Variants in LPO observed in about 807,000 individuals in gnomAD.
LPO encodes the protein lactoperoxidase, also known as salivary peroxidase.
Under a neutral mutation model 68.4 loss-of-function variants are expected in LPO, and 70 were observed. That is an observed-to-expected ratio of 1.02 (90% CI 0.84 to 1.25). The LOEUF (loss-of-function observed/expected upper bound fraction) is 1.25, where lower values mean the gene tolerates loss of function less well. Ranked by LOEUF, LPO falls within the 50% of genes most tolerant of loss-of-function variation. The probability of loss-of-function intolerance (pLI) is 0.00; values close to 1 mark genes in which losing one functional copy is unlikely to be tolerated. For synonymous variants in LPO, 360 were observed against 357.6 expected (o/e 1.01, Z -0.08); for missense variants, 873 against 908.4 (o/e 0.96, Z 0.50).
intron 9 of LPO, among the ~76,000 whole-genome samples, chr17:58,255,943 A>G (rs1161961114): frequency 6.6e-6 from 1 of 152,148 alleles, no homozygotes; most frequent in African/African-American, 2.4e-5. Flanking sequence ...TACTACCACA[A>G]TAAAGACTCT....
At position 58,267,532 on chromosome 17, in the gene LPO, C is replaced by T. The variant is rs747277874; in HGVS notation, c.1877C>T (p.Pro626Leu). ...EPLVERGRVG[P>L]LLACLLGKQF... Reference sequence around the variant, plus strand: ...CTGGTGGAAAGGGGTCGGGTGGGGCCTCTCCTGGCCTGCCTCTTGGGCAAG... The same window carrying T: ...CTGGTGGAAAGGGGTCGGGTGGGGCTTCTCCTGGCCTGCCTCTTGGGCAAG... The change falls in exon 12 of 13, where the codon CCT becomes CTT. Residue 626 changes from proline (P) to leucine (L), a missense_variant. By Grantham distance (98) the Pro-to-Leu change is moderately conservative (BLOSUM62 -3). Transcript: ENST00000262290. 23 of 1,613,924 alleles carry T rather than the reference C, an allele frequency of 1.4e-5. No homozygotes were observed. Among genetic ancestry groups the T allele is most frequent in the Non-Finnish European group, 1.9e-5 (22 of 1,179,836 alleles).
In LPO at chr17:58,264,990, G is replaced by T. The variant is rs1237554595; in HGVS notation, c.1519+16G>T. The T allele has an allele frequency of 6.2e-7, 1 of 1,612,546 alleles. No individual in the cohort carries two copies. Among genetic ancestry groups the T allele is most frequent in the Non-Finnish European group, 8.5e-7 (1 of 1,178,836 alleles). On this transcript the variant is annotated intron_variant, in intron 10 of 12. Coordinates refer to ENST00000262290, the MANE Select transcript of LPO (RefSeq NM_006151.3). ...GTCAAAGATGGTATGCCCTTTCAGG[G>T]AAGTGCTGTCACCTGGGTCTCCCAC... is the stretch of plus-strand genomic sequence containing the variant.
Position 58,254,986 on chromosome 17 carries a change from G to T in LPO, c.1266+15G>T. On this transcript the variant is annotated intron_variant, in intron 9 of 12. Coordinates refer to ENST00000262290, the MANE Select transcript of LPO (RefSeq NM_006151.3). ...CCTTCGTGCAGGTAGGGAGTCCCAG[G>T]AGCACTGTCACCTGGTCCCACCTGG... The T allele has an allele frequency of 1.2e-6, 2 of 1,612,470 alleles. No homozygotes were observed. Among genetic ancestry groups the T allele is most frequent in the South Asian group, 2.2e-5 (2 of 90,980 alleles).
chr17:58,257,678 T>C (rs1970097749), intron 9 of LPO, among the ~76,000 whole-genome samples: 3 of 152,272 alleles, frequency 2.0e-5, no homozygotes, highest in Admixed American at 2.0e-4. Flanking sequence ...TGCTGGATCA[T>C]ATGGCAGCTC....
intron 1 of LPO, among the ~76,000 whole-genome samples, chr17:58,241,030 C>T (rs754592317): frequency 7.9e-5 from 12 of 151,896 alleles, no homozygotes; most frequent in African/African-American, 2.4e-4. Flanking sequence ...TGTGAATATA[C>T]CTAACATTAC....
intron 7 of LPO, chr17:58,251,856 A>G (rs1969964183): frequency 3.3e-6 from 2 of 601,496 alleles, no homozygotes; most frequent in African/African-American, 1.8e-5. Flanking sequence ...GTTAGTAGTA[A>G]TTATTAACAA....
Position 58,267,571 on chromosome 17 carries a change from T to C in LPO, c.1916T>C (p.Ile639Thr), listed in dbSNP as rs759119217. The change falls in exon 12 of 13, where the codon ATC becomes ACC. Residue 639 changes from isoleucine (I) to threonine (T), a missense_variant. Transcript: ENST00000262290. ...CTCTTGGGCAAGCAGTTCCAGCAGA[T>C]CCGTGATGGAGACAGGCAAGTGCGT... ...ACLLGKQFQQ[I>T]RDGDRFWWEN... 3 of 1,610,566 alleles carry C rather than the reference T, an allele frequency of 1.9e-6. No individual in the cohort carries two copies. Among genetic ancestry groups the C allele is most frequent in the South Asian group, 1.1e-5 (1 of 90,768 alleles).
At position 58,267,456 on chromosome 17, in the gene LPO, T is replaced by C. The variant is rs1213148065; in HGVS notation, c.1801T>C (p.Tyr601His). The stretch of plus-strand genomic sequence containing the variant: ...GCTGGCCAAGAAGTTACTGGGTCTC[T>C]ACGGGACCCCTGACAACATCGACAT... ...KMLAKKLLGLYGTPDNIDIWI... is the reference protein window; with the variant it reads ...KMLAKKLLGLHGTPDNIDIWI... The change falls in exon 12 of 13, where the codon TAC becomes CAC. Residue 601 changes from tyrosine to histidine, a missense_variant. Coordinates refer to ENST00000262290, the MANE Select transcript of LPO (RefSeq NM_006151.3). 1 of 1,614,104 alleles carries C rather than the reference T, an allele frequency of 6.2e-7. No homozygotes were observed.
At chr17:58,241,932 T>C (rs1364692914) in intron 1 of LPO, among the ~76,000 whole-genome samples, 3 of 152,270 alleles carry the variant, frequency 2.0e-5, no homozygotes, top group Non-Finnish European at 2.9e-5. Context: ...TCCAGAACTA[T>C]GATTTCTCTC....
intron 9 of LPO, among the ~76,000 whole-genome samples, chr17:58,257,609 C>G (rs996832148): frequency 6.6e-6 from 1 of 152,138 alleles, no homozygotes; most frequent in Admixed American, 6.5e-5. Context: ...TGTAAGAGTG[C>G]GGATATCTCT....
At chr17:58,240,937 G>A (rs1969743376) in intron 1 of LPO, among the ~76,000 whole-genome samples, 1 of 152,058 alleles carries the variant, frequency 6.6e-6, no homozygotes, top group African/African-American at 2.4e-5. Context: ...TAGGGGGAAG[G>A]GGAAATAGGG....
At chr17:58,257,163 AC>A (rs1306181386) in intron 9 of LPO, among the ~76,000 whole-genome samples, 1 of 151,624 alleles carries the variant, frequency 6.6e-6, no homozygotes, top group African/African-American at 2.4e-5. Context: ...CAAACTCCTG[AC>A]CTTAAGCGGT....
In LPO at chr17:58,243,004, G is replaced by C. The variant is rs200961470; in HGVS notation, c.25G>C (p.Ala9Pro). MRVLLHLP[A>P]LLASLILLQA... ...GATGAGGGTCCTTCTCCATCTCCCA[G>C]CCCTCCTGGCTTCCCTCATCTTGCT... The change falls in exon 2 of 13, where the codon GCC becomes CCC. Residue 9 changes from alanine to proline, a missense_variant. Ala to Pro is a conservative substitution (Grantham distance 27). Transcript: ENST00000262290. The C allele has an allele frequency of 6.2e-7, 1 of 1,614,058 alleles. No homozygotes were observed. The highest frequency in any genetic ancestry group is 2.2e-5 in the East Asian group (1 of 44,878).
At chr17:58,248,975 C>G in intron 4 of LPO, 85 bp from the exon 5 acceptor site, 1 of 981,086 alleles carries the variant, frequency 1.0e-6, no homozygotes, top group Non-Finnish European at 1.7e-6. Flanking sequence ...CATGCAGGTT[C>G]ACCTCTGGTC....
intron 6 of LPO, among the ~76,000 whole-genome samples, chr17:58,250,163 C>T (rs1406421442): frequency 3.3e-5 from 5 of 152,174 alleles, no homozygotes; most frequent in African/African-American, 1.2e-4. Flanking sequence ...GGCAAATCAT[C>T]AAGTCATACG....
At chr17:58,257,250 G>A (rs958091613) in intron 9 of LPO, among the ~76,000 whole-genome samples, 2 of 151,684 alleles carry the variant, frequency 1.3e-5, no homozygotes, top group Admixed American at 1.3e-4. Flanking sequence ...CTATTTTTTG[G>A]TACCCACCAA....
intron 3 of LPO, 78 bp from the exon 4 acceptor site, chr17:58,247,400 C>T: frequency 7.5e-7 from 1 of 1,332,446 alleles, no homozygotes; most frequent in Non-Finnish European, 1.0e-6. Context: ...TGTACACACA[C>T]CCCTCCCACC....
At chr17:58,247,210 C>G (rs1397854331) in intron 3 of LPO, among the ~76,000 whole-genome samples, 1 of 152,200 alleles carries the variant, frequency 6.6e-6, no homozygotes. Flanking sequence ...TGTTCTATAT[C>G]TGCACTGTCC....
chr17:58,247,354 AT>A (rs1969869985), intron 3 of LPO, 123 bp from the exon 4 acceptor site: 2 of 760,198 alleles, frequency 2.6e-6, no homozygotes, highest in East Asian at 5.4e-5. Context: ...TGGCTACTGT[AT>A]TGGACAGTGC....
Sources: allele counts gnomAD v4.1 joint callset (sites outside exome capture counted in the v4.1 genomes callset), GRCh38; gene constraint gnomAD v4.1.1; transcripts MANE v1.5; gene names NCBI Gene and HGNC (gene_info 2026-07-23, HGNC 2026-07-21).